WWOX: variants seen among roughly 807,000 people sequenced by gnomAD.
WWOX encodes the protein WW domain containing oxidoreductase.
A neutral mutation model predicts 46.2 loss-of-function variants in WWOX; 69 were observed. That is an observed-to-expected ratio of 1.49 (90% confidence interval 1.23 to 1.82). WWOX has a LOEUF of 1.82. Ranked by LOEUF, WWOX falls within the 40% of genes most tolerant of loss-of-function variation. The pLI is 0.00. For missense variants in WWOX, 919 were observed against 542.6 expected (o/e 1.69, Z -6.89); for synonymous variants, 359 against 202.6 (o/e 1.77, Z -6.56).
intron 8 of WWOX, among the ~76,000 whole-genome samples, chr16:79,061,359 G>C (rs763544879): frequency 6.6e-6 from 1 of 152,188 alleles, no homozygotes; most frequent in Non-Finnish European, 1.5e-5. Context: ...CCGTCTAAGG[G>C]CTTGGCAAAC....
chr16:78,214,718 G>T (rs536917294), intron 5 of WWOX, among the ~76,000 whole-genome samples: 19 of 151,974 alleles, frequency 1.3e-4, no homozygotes, highest in African/African-American at 4.6e-4. Flanking sequence ...GCTCCATTCA[G>T]TTTGACCCTC....
chr16:78,285,488 A>G lies in WWOX; in HGVS notation c.517-101372A>G, dbSNP rs1025886861. On this transcript the variant is annotated intron_variant, in intron 5 of 8. Transcript: ENST00000566780. ...TTAGAAGGGAGGGATTACGACCCTC[A>G]TGTGTATCAAGAAACAAGCTCCATG... 2.0e-4 allele frequency among the ~76,000 whole-genome samples: 31 copies of G among 152,252 alleles called. No individual in the cohort carries two copies. In the Middle Eastern group the frequency reaches 0.01, roughly 50 times the overall value.
chr16:78,685,119 C>G (rs1391486437), intron 8 of WWOX, among the ~76,000 whole-genome samples: 2 of 152,176 alleles, frequency 1.3e-5, no homozygotes, highest in South Asian at 2.1e-4. Flanking sequence ...CCACTTCTCT[C>G]TGCAGCGTGA....
intron 1 of WWOX, among the ~76,000 whole-genome samples, chr16:78,108,066 C>G (rs1179332528): frequency 1.3e-5 from 2 of 151,648 alleles, no homozygotes; most frequent in Non-Finnish European, 2.9e-5. Context: ...GTAGCTGGGA[C>G]TACAGGCACG....
At chr16:78,609,781 C>A (rs182494418) in intron 8 of WWOX, among the ~76,000 whole-genome samples, 1 of 152,302 alleles carries the variant, frequency 6.6e-6, no homozygotes, top group South Asian at 2.1e-4. Context: ...GAAGCTATAC[C>A]ATGCAAATGA....
intron 8 of WWOX, among the ~76,000 whole-genome samples, chr16:79,051,111 C>T (rs981508541): frequency 1.3e-5 from 2 of 152,200 alleles, no homozygotes; most frequent in South Asian, 4.1e-4. Flanking sequence ...GGTGTGACTG[C>T]AGCCCTACTC....
intron 8 of WWOX, among the ~76,000 whole-genome samples, chr16:78,572,935 C>A (rs542914312): frequency 9.9e-5 from 15 of 152,220 alleles, no homozygotes; most frequent in African/African-American, 3.6e-4. Flanking sequence ...TATGTGAAGT[C>A]TTGTTATATG....
intron 5 of WWOX, among the ~76,000 whole-genome samples, chr16:78,261,314 T>A (rs886338848): frequency 1.4e-5 from 2 of 139,500 alleles, no homozygotes; most frequent in African/African-American, 5.4e-5. Flanking sequence ...TACATACATA[T>A]AAAATTAGGT....
intron 8 of WWOX, among the ~76,000 whole-genome samples, chr16:78,998,066 G>A (rs527358560): frequency 1.3e-5 from 2 of 152,118 alleles, no homozygotes; most frequent in African/African-American, 4.8e-5. Context: ...AGTAAAGACA[G>A]GGTTTCTCCC....
chr16:79,002,737 A>G (rs974158005), intron 8 of WWOX, among the ~76,000 whole-genome samples: 7 of 152,154 alleles, frequency 4.6e-5, no homozygotes, highest in African/African-American at 1.7e-4. Flanking sequence ...ACTGACACTT[A>G]GTTTTCACCC....
chr16:78,709,687 G>A (rs902515116), intron 8 of WWOX, among the ~76,000 whole-genome samples: 1 of 151,356 alleles, frequency 6.6e-6, no homozygotes, highest in South Asian at 2.1e-4. Flanking sequence ...TGATGCATGT[G>A]AAATTGGCTT....
At chr16:78,709,481 C>T (rs1234493415) in intron 8 of WWOX, among the ~76,000 whole-genome samples, 1 of 152,134 alleles carries the variant, frequency 6.6e-6, no homozygotes, top group African/African-American at 2.4e-5. Context: ...CCAGGGTATT[C>T]TGTTCATCTC....
intron 8 of WWOX, chr16:79,206,051 C>G (rs1369664029): frequency 2.0e-5 from 3 of 152,140 alleles, no homozygotes; most frequent in Non-Finnish European, 2.9e-5. Flanking sequence ...GTTGGATCAT[C>G]GAAGGGGGTG....
At chr16:78,648,199 A>G (rs1486122540) in intron 8 of WWOX, among the ~76,000 whole-genome samples, 1 of 152,134 alleles carries the variant, frequency 6.6e-6, no homozygotes, top group African/African-American at 2.4e-5. Flanking sequence ...TAGGACGTCA[A>G]ACCACCTTTT....
intron 8 of WWOX, among the ~76,000 whole-genome samples, chr16:78,955,964 C>G (rs893330577): frequency 6.6e-6 from 1 of 150,574 alleles, no homozygotes; most frequent in Non-Finnish European, 1.5e-5. Flanking sequence ...CTTCTTTTCA[C>G]TTTAGAAAAA....
intron 8 of WWOX, among the ~76,000 whole-genome samples, chr16:78,546,499 T>C (rs888834290): frequency 1.1e-4 from 17 of 152,246 alleles, no homozygotes; most frequent in African/African-American, 3.4e-4. Flanking sequence ...TATTGTGGGA[T>C]TGCAATTACC....
chr16:78,278,531 G>A (rs563790329), intron 5 of WWOX: 2 of 1,426,068 alleles, frequency 1.4e-6, no homozygotes, highest in East Asian at 2.4e-5. Context: ...TCTTTGGAAT[G>A]CTTCAAGAAA....
chr16:78,619,682 G>C (rs950980462), intron 8 of WWOX, among the ~76,000 whole-genome samples: 7 of 151,614 alleles, frequency 4.6e-5, no homozygotes, highest in African/African-American at 4.8e-5. Context: ...AGGTAGGAGG[G>C]TCACTTGAGC....
At chr16:78,831,853 C>G (rs8051656) in intron 8 of WWOX, among the ~76,000 whole-genome samples, 1 of 151,950 alleles carries the variant, frequency 6.6e-6, no homozygotes, top group East Asian at 1.9e-4. Context: ...TTAGGAGACA[C>G]AGGGGAGGAA....
Sources: gnomAD v4.1 joint callset for allele counts (sites outside exome capture counted in the v4.1 genomes callset) on GRCh38, gnomAD v4.1.1 for gene constraint, MANE v1.5 for transcripts, NCBI Gene and HGNC (gene_info 2026-07-23, HGNC 2026-07-21) for gene names.